Variants in SH3GL2 observed in about 807,000 individuals in gnomAD.
SH3GL2 encodes SH3 domain containing GRB2 like 2, endophilin A1.
SH3GL2 carries 24 observed loss-of-function variants against 46.0 expected under a neutral mutation model. The ratio of observed to expected loss-of-function variants is 0.52; its 90% CI spans 0.38 to 0.73. The LOEUF is 0.73. Among genes scored for constraint, SH3GL2 ranks in the 30% least tolerant of loss-of-function variants. The probability of loss-of-function intolerance (pLI) is 0.00; values close to 1 mark genes in which losing one functional copy is unlikely to be tolerated. For missense variants in SH3GL2, 413 were observed against 424.2 expected (o/e 0.97, Z 0.23); for synonymous variants, 196 against 147.1 (o/e 1.33, Z -2.40).
chr9:17,672,712 T>C (rs1177387043), intron 1 of SH3GL2, among the ~76,000 whole-genome samples: 1 of 152,120 alleles, frequency 6.6e-6, no homozygotes, highest in East Asian at 1.9e-4. Flanking sequence ...ACTCTGTATA[T>C]TCATCAGACC....
intron 1 of SH3GL2, among the ~76,000 whole-genome samples, chr9:17,643,257 G>T (rs1180357780): frequency 6.6e-6 from 1 of 152,212 alleles, no homozygotes; most frequent in African/African-American, 2.4e-5. Context: ...AGACTTTGCT[G>T]AAGTTGCTTA....
At chr9:17,778,782 G>T (rs912228228) in intron 3 of SH3GL2, among the ~76,000 whole-genome samples, 1 of 152,104 alleles carries the variant, frequency 6.6e-6, no homozygotes, top group Admixed American at 6.6e-5. Flanking sequence ...AGAGCTGACC[G>T]AATTTGCTGA....
intron 1 of SH3GL2, among the ~76,000 whole-genome samples, chr9:17,648,192 T>C (rs910949974): frequency 6.6e-6 from 1 of 152,146 alleles, no homozygotes; most frequent in African/African-American, 2.4e-5. Flanking sequence ...TATGTGTGGA[T>C]TTTCAACTAC....
In SH3GL2 at chr9:17,789,763, C is replaced by T. The variant is rs543258738; in HGVS notation, c.624+213C>T. 345 of 983,570 alleles carry T rather than the reference C, an allele frequency of 3.5e-4. 2 individuals are homozygous for T. The highest frequency in any genetic ancestry group is 3.1e-3 in the African/African-American group (177 of 57,302). 60.9% of individuals were successfully genotyped at this position (983,570 alleles called of 1,614,324 possible). ...CATTCCTGTAGTTTAACTAGATTCT[C>T]GACTGCTAATGAATCTTAAAGTACA... On this transcript the variant is annotated intron_variant, in intron 6 of 8. Coordinates refer to ENST00000380607, the MANE Select transcript of SH3GL2 (RefSeq NM_003026.5).
chr9:17,681,608 A>C (rs1820768716), intron 1 of SH3GL2, among the ~76,000 whole-genome samples: 1 of 150,712 alleles, frequency 6.6e-6, no homozygotes, highest in Non-Finnish European at 1.5e-5. Context: ...ACCTAGAAGA[A>C]AACCTAGGCA....
At chr9:17,656,064 T>C (rs1373773988) in intron 1 of SH3GL2, among the ~76,000 whole-genome samples, 1 of 152,198 alleles carries the variant, frequency 6.6e-6, no homozygotes, top group Non-Finnish European at 1.5e-5. Flanking sequence ...AAGTTAAAAC[T>C]CAGTCTCTTA....
intron 1 of SH3GL2, among the ~76,000 whole-genome samples, chr9:17,739,582 C>A (rs73412756): frequency 6.6e-6 from 1 of 150,638 alleles, no homozygotes; most frequent in Non-Finnish European, 1.5e-5. Flanking sequence ...TGATGATGAA[C>A]TAAATTATTT....
chr9:17,637,596 A>T (rs559895295), intron 1 of SH3GL2, among the ~76,000 whole-genome samples: 1 of 152,234 alleles, frequency 6.6e-6, no homozygotes. Context: ...ATCTTTGGAC[A>T]CACAAGTGTG....
At chr9:17,710,828 T>G (rs2118267775) in intron 1 of SH3GL2, among the ~76,000 whole-genome samples, 1 of 152,060 alleles carries the variant, frequency 6.6e-6, no homozygotes, top group Admixed American at 6.6e-5. Context: ...CTCTCTCCTC[T>G]TATCTGCAAG....
At chr9:17,756,515 C>G (rs1257745656) in intron 2 of SH3GL2, among the ~76,000 whole-genome samples, 2 of 143,230 alleles carry the variant, frequency 1.4e-5, no homozygotes, top group Non-Finnish European at 3.0e-5. Flanking sequence ...GTGATGTTCC[C>G]CTTCCTGTGT....
chr9:17,673,640 C>A (rs985336777), intron 1 of SH3GL2, among the ~76,000 whole-genome samples: 4 of 152,140 alleles, frequency 2.6e-5, no homozygotes, highest in African/African-American at 9.7e-5. Context: ...GCCATGATCT[C>A]CTTGTCCATC....
At chr9:17,700,874 T>G (rs1821327960) in intron 1 of SH3GL2, among the ~76,000 whole-genome samples, 1 of 152,198 alleles carries the variant, frequency 6.6e-6, no homozygotes, top group Non-Finnish European at 1.5e-5. Context: ...AAAACTGCAA[T>G]TATGTTTGCA....
At chr9:17,752,224 C>T (rs1336416356) in intron 2 of SH3GL2, among the ~76,000 whole-genome samples, 3 of 152,126 alleles carry the variant, frequency 2.0e-5, no homozygotes, top group Admixed American at 6.5e-5. Flanking sequence ...CTGCCTGTAT[C>T]TCGCTGCCAG....
intron 1 of SH3GL2, among the ~76,000 whole-genome samples, chr9:17,682,642 C>T (rs1221880633): frequency 6.6e-6 from 1 of 151,272 alleles, no homozygotes; most frequent in Non-Finnish European, 1.5e-5. Context: ...TGTAACAAAC[C>T]TGCATATTCT....
At chr9:17,614,283 T>C (rs1301458496) in intron 1 of SH3GL2, among the ~76,000 whole-genome samples, 1 of 103,250 alleles carries the variant, frequency 9.7e-6, no homozygotes. Context: ...ACAGGGAACA[T>C]GCATGGTTTC....
At chr9:17,680,483 T>C (rs1033710473) in intron 1 of SH3GL2, among the ~76,000 whole-genome samples, 3 of 152,172 alleles carry the variant, frequency 2.0e-5, no homozygotes, top group Non-Finnish European at 4.4e-5. Context: ...ATATCCCCTT[T>C]ATCATTTTTT....
At chr9:17,626,763 G>A (rs1391317318) in intron 1 of SH3GL2, among the ~76,000 whole-genome samples, 1 of 152,220 alleles carries the variant, frequency 6.6e-6, no homozygotes, top group Non-Finnish European at 1.5e-5. Flanking sequence ...CCTCTCCAAA[G>A]TATGGCCTCC....
chr9:17,728,894 G>C (rs1822095898), intron 1 of SH3GL2, among the ~76,000 whole-genome samples: 1 of 152,066 alleles, frequency 6.6e-6, no homozygotes, highest in Non-Finnish European at 1.5e-5. Context: ...ATTTGGGTTG[G>C]TTCCAAGTCT....
intron 1 of SH3GL2, among the ~76,000 whole-genome samples, chr9:17,700,634 T>C (rs534996044): frequency 6.6e-6 from 1 of 152,338 alleles, no homozygotes; most frequent in South Asian, 2.1e-4. Context: ...ATTTTACCCT[T>C]ATTCTTTAGA....
Sources: allele counts gnomAD v4.1 joint callset (sites outside exome capture counted in the v4.1 genomes callset), GRCh38; gene constraint gnomAD v4.1.1; transcripts MANE v1.5; gene names NCBI Gene and HGNC (gene_info 2026-07-23, HGNC 2026-07-21).